ENTREP2: variants seen among roughly 807,000 people sequenced by gnomAD.
ENTREP2 encodes the protein protein ENTREP2.
At chr15:29,559,049 A>C in the ENTREP2 span, among the ~76,000 whole-genome samples, 3 of 152,106 alleles carry the variant, frequency 2.0e-5, no homozygotes, top group Non-Finnish European at 2.9e-5. Context: ...AGTGCCCCTA[A>C]CCGTGTACTG....
the ENTREP2 span, among the ~76,000 whole-genome samples, chr15:29,148,546 T>A: frequency 6.6e-6 from 1 of 152,220 alleles, no homozygotes; most frequent in Non-Finnish European, 1.5e-5. Context: ...ACAATATAAA[T>A]GCTATGGAAA....
At chr15:29,389,079 G>A in the ENTREP2 span, among the ~76,000 whole-genome samples, 2 of 151,188 alleles carry the variant, frequency 1.3e-5, no homozygotes, top group Non-Finnish European at 2.9e-5. Flanking sequence ...AAACCTGCAC[G>A]TTGTGCACAT....
the ENTREP2 span, among the ~76,000 whole-genome samples, chr15:29,165,064 T>A: frequency 6.6e-6 from 1 of 152,142 alleles, no homozygotes; most frequent in Admixed American, 6.5e-5. Flanking sequence ...AACCTACTCC[T>A]GAATGAGCAT....
the ENTREP2 span, among the ~76,000 whole-genome samples, chr15:29,470,103 A>C: frequency 6.6e-6 from 1 of 152,248 alleles, no homozygotes; most frequent in African/African-American, 2.4e-5. Context: ...AGCCTAAGAC[A>C]AGATCAAAGA....
At chr15:29,631,377 T>C in the ENTREP2 span, among the ~76,000 whole-genome samples, 1 of 152,214 alleles carries the variant, frequency 6.6e-6, no homozygotes, top group Non-Finnish European at 1.5e-5. Flanking sequence ...TCAGGGTCTG[T>C]CTTCTTTAAA....
chr15:29,659,965 A>AT, the ENTREP2 span, among the ~76,000 whole-genome samples: 5 of 151,350 alleles, frequency 3.3e-5, no homozygotes, highest in Non-Finnish European at 7.4e-5. Context: ...CACCTGGCTA[A>AT]TTTTTTTTGT....
the ENTREP2 span, among the ~76,000 whole-genome samples, chr15:29,338,170 G>A: frequency 6.6e-6 from 1 of 152,008 alleles, no homozygotes; most frequent in Admixed American, 6.6e-5. Context: ...TGTGGGCAAG[G>A]TGCCATCAAA....
the ENTREP2 span, among the ~76,000 whole-genome samples, chr15:29,632,560 T>A: frequency 1.4e-3 from 206 of 152,224 alleles, no homozygotes; most frequent in Non-Finnish European, 2.0e-3. Flanking sequence ...GGCAGGTGGA[T>A]CACCTCACAT....
the ENTREP2 span, among the ~76,000 whole-genome samples, chr15:29,242,485 G>A: frequency 9.1e-4 from 139 of 152,194 alleles, no homozygotes; most frequent in Non-Finnish European, 1.7e-3. Context: ...ACATAATGAG[G>A]CATTTTAAGG....
the ENTREP2 span, among the ~76,000 whole-genome samples, chr15:29,243,567 T>C: frequency 1.3e-5 from 2 of 151,754 alleles, no homozygotes; most frequent in Non-Finnish European, 2.9e-5. Context: ...GTAGAAGGGG[T>C]TAATAAAATA....
At chr15:29,540,057 G>A in the ENTREP2 span, among the ~76,000 whole-genome samples, 1 of 152,078 alleles carries the variant, frequency 6.6e-6, no homozygotes, top group Admixed American at 6.6e-5. Flanking sequence ...ACTCAGTTTG[G>A]GTCATATCAC....
the ENTREP2 span, among the ~76,000 whole-genome samples, chr15:29,347,846 G>C: frequency 6.6e-6 from 1 of 152,314 alleles, no homozygotes; most frequent in Non-Finnish European, 1.5e-5. Context: ...AAGGCATGTA[G>C]ACACGGTATC....
the ENTREP2 span, chr15:29,252,602 T>C: frequency 1.9e-6 from 1 of 539,090 alleles, no homozygotes; most frequent in South Asian, 3.5e-5. Flanking sequence ...ATGAATAACA[T>C]GTATGTGTTT....
chr15:29,657,193 G>C, the ENTREP2 span, among the ~76,000 whole-genome samples: 1 of 150,116 alleles, frequency 6.7e-6, no homozygotes, highest in Non-Finnish European at 1.5e-5. Context: ...GACTACACGC[G>C]CCCACCACCA....
the ENTREP2 span, among the ~76,000 whole-genome samples, chr15:29,583,192 A>T: frequency 6.6e-6 from 1 of 152,224 alleles, no homozygotes; most frequent in Non-Finnish European, 1.5e-5. Flanking sequence ...AAATCAAGTA[A>T]AGAAAATATT....
At chr15:29,175,029 T>C in the ENTREP2 span, among the ~76,000 whole-genome samples, 42 of 152,166 alleles carry the variant, frequency 2.8e-4, no homozygotes, top group Non-Finnish European at 4.7e-4. Context: ...CAGTAATCAG[T>C]TTCTCGCTGG....
the ENTREP2 span, among the ~76,000 whole-genome samples, chr15:29,603,784 A>T: frequency 6.6e-6 from 1 of 152,100 alleles, no homozygotes; most frequent in African/African-American, 2.4e-5. Flanking sequence ...GATTATAGGC[A>T]AGCACCACCA....
the ENTREP2 span, chr15:29,118,129 G>A: frequency 4.6e-5 from 7 of 152,772 alleles, no homozygotes; most frequent in East Asian, 5.8e-4. Flanking sequence ...GTAATCTGAC[G>A]TCATCTTGTC....
chr15:29,553,080 G>A, the ENTREP2 span, among the ~76,000 whole-genome samples: 4 of 152,262 alleles, frequency 2.6e-5, no homozygotes, highest in African/African-American at 9.6e-5. Flanking sequence ...CAGATCGTTT[G>A]AGGCCAGGAG....
Sources: gnomAD v4.1 joint callset for allele counts (sites outside exome capture counted in the v4.1 genomes callset) on GRCh38, gnomAD v4.1.1 for gene constraint, MANE v1.5 for transcripts, NCBI Gene and HGNC (gene_info 2026-07-23, HGNC 2026-07-21) for gene names.